Variants in CFAP299 observed in about 807,000 individuals in gnomAD.
The protein encoded by CFAP299 is cilia and flagella associated protein 299.
In CFAP299, 21 loss-of-function variants were observed where a neutral mutation model predicts 27.0. That is an observed-to-expected ratio of 0.78 (90% CI 0.55 to 1.12). CFAP299 has a LOEUF of 1.12. Among genes scored for constraint, CFAP299 ranks in the 50% most tolerant of loss-of-function variants. The pLI is 0.00. For missense variants in CFAP299, 310 were observed against 276.6 expected, an observed-to-expected ratio of 1.12 and a Z score of -0.86; for synonymous variants, 104 against 98.1, an observed-to-expected ratio of 1.06 and a Z score of -0.36.
At position 80,946,549 on chromosome 4, in the gene CFAP299, T is replaced by C. The variant is rs183961893; in HGVS notation, c.606+1610T>C. ...CTGGGAAATATAATCTTTATTCAAATGACAATGCACCCAGCTAAAAACAGG... is the reference window on the plus strand; with the variant it reads ...CTGGGAAATATAATCTTTATTCAAACGACAATGCACCCAGCTAAAAACAGG... On this transcript the variant is annotated intron_variant, in intron 5 of 5. Coordinates refer to ENST00000358105, the MANE Select transcript of CFAP299 (RefSeq NM_152770.3). Among the ~76,000 whole-genome samples the C allele has an allele frequency of 2.9e-3, 441 of 152,262 alleles. 1 individual carries two copies. The highest frequency in any genetic ancestry group is 9.6e-3 in the African/African-American group (400 of 41,564).
At chr4:80,491,337 C>T (rs546648714) in intron 2 of CFAP299, among the ~76,000 whole-genome samples, 103 of 151,690 alleles carry the variant, frequency 6.8e-4, no homozygotes, top group African/African-American at 2.4e-3. Context: ...TTCTGAATGC[C>T]AGTTGATAAA....
intron 2 of CFAP299, among the ~76,000 whole-genome samples, chr4:80,519,237 C>T (rs926560859): frequency 3.9e-5 from 6 of 151,902 alleles, no homozygotes; most frequent in Non-Finnish European, 5.9e-5. Context: ...GATGGAGTCT[C>T]GCTCTGTCAC....
intron 2 of CFAP299, among the ~76,000 whole-genome samples, chr4:80,542,531 G>T (rs1036300601): frequency 7.2e-5 from 11 of 152,130 alleles, no homozygotes; most frequent in African/African-American, 2.7e-4. Context: ...TCCAAGCCCT[G>T]AACAACTCCT....
intron 3 of CFAP299, among the ~76,000 whole-genome samples, chr4:80,675,966 A>C (rs1323231231): frequency 6.6e-6 from 1 of 152,074 alleles, no homozygotes; most frequent in Non-Finnish European, 1.5e-5. Context: ...TTTGCTAGGA[A>C]AGGGAAATCC....
intron 3 of CFAP299, among the ~76,000 whole-genome samples, chr4:80,785,220 G>A (rs1184837939): frequency 1.3e-5 from 2 of 150,578 alleles, no homozygotes; most frequent in Admixed American, 6.6e-5. Context: ...TTTTGTATAT[G>A]GTATGAGACA....
Position 80,700,664 on chromosome 4 carries a change from A to C in CFAP299, c.333+117481A>C, listed in dbSNP as rs149679910. On this transcript the variant is annotated intron_variant, in intron 3 of 5. Coordinates refer to ENST00000358105, the MANE Select transcript of CFAP299 (RefSeq NM_152770.3). The stretch of plus-strand genomic sequence containing the variant: ...TAGAAACCAGTGCATTCAGGAATAC[A>C]TGAAGTGAGACTATGGGGATAGGAT... Among the ~76,000 whole-genome samples, 154 of 152,208 alleles carry C rather than the reference A, an allele frequency of 1.0e-3. No individual in the cohort carries two copies. In the Middle Eastern group the frequency reaches 0.037, roughly 37 times the overall value.
intron 2 of CFAP299, among the ~76,000 whole-genome samples, chr4:80,418,928 C>G (rs975074027): frequency 4.6e-5 from 7 of 152,144 alleles, no homozygotes; most frequent in African/African-American, 1.7e-4. Flanking sequence ...TATAACTTGG[C>G]CATTGTTAAT....
intron 5 of CFAP299, among the ~76,000 whole-genome samples, chr4:80,952,697 T>C (rs978629788): frequency 3.3e-5 from 5 of 152,186 alleles, no homozygotes; most frequent in Admixed American, 2.6e-4. Context: ...CACCCGTTTT[T>C]GTTTTTGCAT....
At chr4:80,542,104 G>A (rs1339221282) in intron 2 of CFAP299, among the ~76,000 whole-genome samples, 1 of 152,054 alleles carries the variant, frequency 6.6e-6, no homozygotes, top group East Asian at 1.9e-4. Context: ...TTTTGCCCTT[G>A]TTCATCAGAC....
At chr4:80,708,759 T>C (rs951514401) in intron 3 of CFAP299, among the ~76,000 whole-genome samples, 2 of 152,010 alleles carry the variant, frequency 1.3e-5, no homozygotes, top group Non-Finnish European at 1.5e-5. Flanking sequence ...CAAATAATAA[T>C]GTAGTTAAGA....
At chr4:80,355,198 C>G (rs1723208092) in intron 1 of CFAP299, among the ~76,000 whole-genome samples, 1 of 151,928 alleles carries the variant, frequency 6.6e-6, no homozygotes, top group African/African-American at 2.4e-5. Flanking sequence ...TATTTTTTGA[C>G]TTTTTAGTAG....
At chr4:80,615,858 G>A (rs888376269) in intron 3 of CFAP299, among the ~76,000 whole-genome samples, 3 of 152,056 alleles carry the variant, frequency 2.0e-5, no homozygotes. Flanking sequence ...ATTGATTGTG[G>A]CCCAAGAGTG....
At chr4:80,775,656 G>GA (rs544697016) in intron 3 of CFAP299, among the ~76,000 whole-genome samples, 30 of 150,954 alleles carry the variant, frequency 2.0e-4, no homozygotes, top group African/African-American at 2.9e-4. Context: ...CTAAAAGTAT[G>GA]AAAAAAAAAT....
At chr4:80,684,778 T>C (rs192584379) in intron 3 of CFAP299, among the ~76,000 whole-genome samples, 1 of 152,302 alleles carries the variant, frequency 6.6e-6, no homozygotes, top group Admixed American at 6.5e-5. Flanking sequence ...TTACAGTCAC[T>C]GTCATGCTTT....
intron 4 of CFAP299, among the ~76,000 whole-genome samples, chr4:80,911,161 C>G (rs1735451125): frequency 6.7e-6 from 1 of 150,148 alleles, no homozygotes; most frequent in Non-Finnish European, 1.5e-5. Flanking sequence ...TTTCTATGTT[C>G]CTATGTCCCT....
chr4:80,843,758 T>C (rs924408993), intron 3 of CFAP299, among the ~76,000 whole-genome samples: 1 of 151,994 alleles, frequency 6.6e-6, no homozygotes, highest in African/African-American at 2.4e-5. Context: ...CCTGATTTTT[T>C]TTTAATTTTA....
At chr4:80,752,580 C>CT (rs1724999155) in intron 3 of CFAP299, among the ~76,000 whole-genome samples, 1 of 150,538 alleles carries the variant, frequency 6.6e-6, no homozygotes, top group African/African-American at 2.4e-5. Flanking sequence ...TTGGGTTTTG[C>CT]TTTTTTTATC....
chr4:80,679,667 G>A (rs1446259992), intron 3 of CFAP299, among the ~76,000 whole-genome samples: 2 of 150,762 alleles, frequency 1.3e-5, no homozygotes, highest in African/African-American at 4.9e-5. Context: ...TTCCCTAATA[G>A]CAAATTTTGT....
At chr4:80,564,712 G>T (rs1349394746) in intron 2 of CFAP299, among the ~76,000 whole-genome samples, 2 of 151,756 alleles carry the variant, frequency 1.3e-5, no homozygotes, top group Non-Finnish European at 2.9e-5. Flanking sequence ...CATCCCAATT[G>T]TAAAGGAAGT....
Sources: allele counts gnomAD v4.1 joint callset (sites outside exome capture counted in the v4.1 genomes callset), GRCh38; gene constraint gnomAD v4.1.1; transcripts MANE v1.5; gene names NCBI Gene and HGNC (gene_info 2026-07-23, HGNC 2026-07-21).